LYST: variants seen among roughly 807,000 people sequenced by gnomAD.
The protein encoded by LYST is lysosomal trafficking regulator, also known as lysosomal-trafficking regulator.
LYST carries 192 observed loss-of-function variants against 413.6 expected under a neutral mutation model. The observed-to-expected ratio is 0.46, with a 90% confidence interval of 0.41 to 0.52. The LOEUF (loss-of-function observed/expected upper bound fraction) is 0.52, where lower values mean the gene tolerates loss of function less well. LYST is among the 20% of genes least tolerant of loss of function. The pLI, the probability that LYST is intolerant of heterozygous loss-of-function variation, is 0.00. For missense variants in LYST, 3,815 were observed against 4,499.9 expected (o/e 0.85, Z 4.35); for synonymous variants, 1,525 against 1,567.3 (o/e 0.97, Z 0.64).
intron 37 of LYST, 42 bp from the exon 38 acceptor site, chr1:235,728,173 G>A (rs759610707): frequency 5.1e-6 from 7 of 1,382,086 alleles, no homozygotes; most frequent in Non-Finnish European, 7.2e-6. Context: ...AAATGTATGT[G>A]CACACTACCA....
rs577449320 is a variant in LYST at position 235,850,897 on chromosome 1, T to C, written c.-98+15946A>G. 1.6e-3 allele frequency among the ~76,000 whole-genome samples: 245 copies of C among 152,230 alleles called. 3 individuals carry two copies. The highest frequency in any genetic ancestry group is 5.7e-3 in the African/African-American group (236 of 41,554). ...ACAGTAGATGTTGGCATGGACGTGG[T>C]GAACAGGGAACACTTCTGCACTGCT... is the stretch of plus-strand genomic sequence containing the variant. On this transcript the variant is annotated intron_variant, in intron 1 of 52. Coordinates refer to ENST00000389793, the MANE Select transcript of LYST (RefSeq NM_000081.4).
At position 235,854,199 on chromosome 1, in the gene LYST, G is replaced by T. The variant is rs1207830267; in HGVS notation, c.-98+12644C>A. On this transcript the variant is annotated intron_variant, in intron 1 of 52. Transcript: ENST00000389793. The surrounding 1 kb of genome is among the most constrained non-coding windows in gnomAD (Gnocchi z 4.1). ...GCACTATTGTAAGCACTCTAGGTAA[G>T]TAGAGTAGTTAGTTTAATCCTCCTA... 6.6e-6 allele frequency among the ~76,000 whole-genome samples: 1 copy of T among 152,174 alleles called. No individual in the cohort carries two copies. The highest frequency in any genetic ancestry group is 2.4e-5 in the African/African-American group (1 of 41,430).
chr1:235,716,554 T>C (rs1287636739), intron 41 of LYST, among the ~76,000 whole-genome samples, 158 bp downstream of exon 41: 1 of 152,176 alleles, frequency 6.6e-6, no homozygotes, highest in African/African-American at 2.4e-5. Flanking sequence ...GGATAGAAAA[T>C]GATATTTCAT....
intron 50 of LYST, among the ~76,000 whole-genome samples, chr1:235,666,348 A>C (rs959717576): frequency 2.0e-5 from 3 of 152,048 alleles, no homozygotes; most frequent in African/African-American, 7.2e-5. Context: ...AAGTGAAATA[A>C]GCCAGACACA....
rs780438009 is a variant in LYST at position 235,792,027 on chromosome 1, T to A, written c.4215A>T (p.Leu1405Phe). The A allele has an allele frequency of 1.2e-6, 2 of 1,614,102 alleles. No individual in the cohort carries two copies. Among genetic ancestry groups the A allele is most frequent in the South Asian group, 2.2e-5 (2 of 91,088 alleles). The change falls in exon 12 of 53, where the codon TTA (leucine) becomes TTT (phenylalanine). Residue 1405 changes from leucine to phenylalanine, a missense_variant. Transcript: ENST00000389793. ...ACTTTTGTGATGAAACACCGTTGCT[T>A]AAATTTGGAGCGTGCAGTAAAGGGA... ...LTFPLLHAPN[L>F]SNGVSSQKYP...
chr1:235,699,650 C>A (rs915880453), intron 45 of LYST, among the ~76,000 whole-genome samples: 2 of 152,172 alleles, frequency 1.3e-5, no homozygotes, highest in African/African-American at 4.8e-5. Context: ...TGAGGAATTG[C>A]CACACTGTCT....
At position 235,702,929 on chromosome 1, in the gene LYST, G is replaced by A. The variant is rs1451596846; in HGVS notation, c.10192C>T (p.Arg3398Ter). ...VSAVEDPVQR[R>*]ALETMIKTYG... ...GTTTTTATCATGGTTTCTAGCGCTC[G>A]TCTCTGAACTGGATCTTCAACTGCA... Residue 3398 changes from arginine to a stop codon, truncating the protein, a stop_gained, in exon 45 of 53, where the codon CGA becomes TGA. Coordinates refer to ENST00000389793, the MANE Select transcript of LYST (RefSeq NM_000081.4). LOFTEE classifies it high-confidence loss of function. 1 of 1,614,066 alleles carries A rather than the reference G, an allele frequency of 6.2e-7. No individual in the cohort carries two copies. The highest frequency in any genetic ancestry group is 1.3e-5 in the African/African-American group (1 of 74,920).
intron 1 of LYST, chr1:235,840,200 T>C (rs764054420): frequency 1.3e-5 from 2 of 152,174 alleles, no homozygotes; most frequent in Non-Finnish European, 2.9e-5. Context: ...AATCAATATA[T>C]AGGGTACTAT....
rs968085670 is a variant in LYST at position 235,878,154 on chromosome 1, C to T, written n.454+5033G>A. On this transcript the variant is annotated intron_variant and non_coding_transcript_variant, in intron 1 of 11. Coordinates refer to the LYST transcript ENST00000465349. Reference sequence around the variant, plus strand: ...CATCCTGTCACTTCACACGTGTTGGCAAGGTAGGGTAGCTTAATCAGCAGA... The same window carrying T: ...CATCCTGTCACTTCACACGTGTTGGTAAGGTAGGGTAGCTTAATCAGCAGA... 2.2e-4 allele frequency among the ~76,000 whole-genome samples: 33 copies of T among 152,122 alleles called. 1 individual carries two copies. The highest frequency in any genetic ancestry group is 1.9e-3 in the Admixed American group (29 of 15,276).
rs1029222060 is a variant in LYST at position 235,752,347 on chromosome 1, T to C, written c.7461-176A>G. Among the ~76,000 whole-genome samples the C allele has an allele frequency of 6.6e-5, 10 of 152,270 alleles. 1 individual carries two copies. Among genetic ancestry groups the C allele is most frequent in the Middle Eastern group, 6.8e-3 (2 of 294 alleles). ...TCTATGGCAAGTAATATGTAGTATG[T>C]ATGCTAGAAATAGAAATAAGATACA... On this transcript the variant is annotated intron_variant, in intron 26 of 52. Coordinates refer to ENST00000389793, the MANE Select transcript of LYST (RefSeq NM_000081.4).
intron 39 of LYST, among the ~76,000 whole-genome samples, chr1:235,722,973 G>T (rs1663517522): frequency 6.6e-6 from 1 of 152,204 alleles, no homozygotes; most frequent in South Asian, 2.1e-4. Flanking sequence ...TACTGTAAAT[G>T]ATTCTGGCAA....
At chr1:235,757,147 A>C (rs139296343) in intron 24 of LYST, 134 bp downstream of exon 24, 9 of 612,352 alleles carry the variant, frequency 1.5e-5, no homozygotes, top group African/African-American at 7.5e-5. Flanking sequence ...ATTAAGTAAC[A>C]AACTATATTA....
chr1:235,782,809 C>A (rs533378217), intron 14 of LYST, among the ~76,000 whole-genome samples: 2 of 152,268 alleles, frequency 1.3e-5, no homozygotes, highest in Non-Finnish European at 2.9e-5. Context: ...ATCTATGAGG[C>A]CTTTGAAAAC....
chr1:235,782,146 T>C, intron 14 of LYST, 59 bp from the exon 15 acceptor site: 4 of 1,411,728 alleles, frequency 2.8e-6, no homozygotes, highest in Non-Finnish European at 3.9e-6. Flanking sequence ...GTACTAAGTA[T>C]TTTTAAAGTA....
intron 27 of LYST, 49 bp downstream of exon 27, chr1:235,751,956 T>C (rs1325114461): frequency 1.6e-6 from 2 of 1,273,774 alleles, no homozygotes; most frequent in Non-Finnish European, 2.3e-6. Context: ...AATAACAGGT[T>C]TGTCTGTTAT....
chr1:235,685,971 A>G (rs1660192315), intron 48 of LYST, among the ~76,000 whole-genome samples: 1 of 152,174 alleles, frequency 6.6e-6, no homozygotes, highest in African/African-American at 2.4e-5. Flanking sequence ...ATTATAATGG[A>G]AAAAAATGCA....
intron 1 of LYST, among the ~76,000 whole-genome samples, chr1:235,861,825 C>T (rs1558357276): frequency 6.6e-6 from 1 of 152,166 alleles, no homozygotes; most frequent in African/African-American, 2.4e-5. Context: ...CCAAGTTTTA[C>T]AGGGCAAATT....
chr1:235,808,347 A>G (rs1673088983), intron 5 of LYST, 108 bp downstream of exon 5: 3 of 939,846 alleles, frequency 3.2e-6, no homozygotes, highest in Non-Finnish European at 4.9e-6. Context: ...TATCAGTGTT[A>G]GAAGTTTAAA....
At chr1:235,820,355 G>A (rs528980964) in intron 3 of LYST, among the ~76,000 whole-genome samples, 3 of 151,940 alleles carry the variant, frequency 2.0e-5, no homozygotes, top group East Asian at 3.9e-4. Context: ...AAGCTAATAG[G>A]TATTTCTTTT....
Sources: gnomAD v4.1 joint callset for allele counts (sites outside exome capture counted in the v4.1 genomes callset) on GRCh38, gnomAD v4.1.1 for gene constraint, Gnocchi (gnomAD v3.1) non-coding constraint, MANE v1.5 for transcripts, NCBI Gene and HGNC (gene_info 2026-07-23, HGNC 2026-07-21) for gene names.